SGCZ: variants seen among roughly 807,000 people sequenced by gnomAD.
The protein encoded by SGCZ is sarcoglycan zeta.
SGCZ carries 40 observed loss-of-function variants against 41.3 expected under a neutral mutation model. The observed-to-expected ratio is 0.97, with a 90% CI of 0.75 to 1.26. SGCZ has a LOEUF of 1.26. Among genes scored for constraint, SGCZ ranks in the 50% most tolerant of loss-of-function variants. SGCZ has a pLI of 0.00. For synonymous variants in SGCZ, 206 were observed against 137.5 expected (o/e 1.50, Z -3.49); for missense variants, 552 against 369.8 (o/e 1.49, Z -4.04).
chr8:14,244,806 C>G (rs764633181), intron 3 of SGCZ, among the ~76,000 whole-genome samples: 6 of 152,100 alleles, frequency 3.9e-5, no homozygotes, highest in Non-Finnish European at 5.9e-5. Context: ...AGAGGTCCTT[C>G]AAGTCCCATG....
chr8:14,470,564 A>T (rs375709087), intron 2 of SGCZ, among the ~76,000 whole-genome samples: 3 of 152,228 alleles, frequency 2.0e-5, no homozygotes, highest in East Asian at 3.9e-4. Context: ...TTCTTGGAGA[A>T]TTGCTTGAAA....
chr8:15,086,338 A>G (rs1472439678), intron 1 of SGCZ, among the ~76,000 whole-genome samples: 1 of 152,196 alleles, frequency 6.6e-6, no homozygotes, highest in Non-Finnish European at 1.5e-5. Flanking sequence ...GGTTTGGAAA[A>G]GACCATTCGC....
intron 4 of SGCZ, among the ~76,000 whole-genome samples, chr8:14,237,193 G>C (rs550608450): frequency 1.3e-5 from 2 of 152,044 alleles, no homozygotes; most frequent in Non-Finnish European, 2.9e-5. Context: ...TAATTCAAGA[G>C]TAATGACCAG....
chr8:14,848,865 T>C (rs1803224016), intron 1 of SGCZ, among the ~76,000 whole-genome samples: 1 of 152,120 alleles, frequency 6.6e-6, no homozygotes, highest in African/African-American at 2.4e-5. Context: ...ACTGAAAACT[T>C]TTGCTCTTTA....
Position 15,000,708 on chromosome 8 carries a change from A to G in SGCZ, c.39+236877T>C, listed in dbSNP as rs562666091. On this transcript the variant is annotated intron_variant, in intron 1 of 7. Transcript: ENST00000382080. Reference sequence around the variant, plus strand: ...AGTTGGGGCAACCAGCCTTCCCCACACTATGTAAACAATATACCCGATGGA... The same window carrying G: ...AGTTGGGGCAACCAGCCTTCCCCACGCTATGTAAACAATATACCCGATGGA... 7.9e-5 allele frequency among the ~76,000 whole-genome samples: 12 copies of G among 152,268 alleles called. No homozygotes were observed. In the Middle Eastern group the frequency reaches 0.01, roughly 129 times the overall value.
intron 1 of SGCZ, among the ~76,000 whole-genome samples, chr8:15,158,075 T>C (rs1028773703): frequency 4.6e-5 from 7 of 152,074 alleles, no homozygotes; most frequent in African/African-American, 1.4e-4. Context: ...ACAAATGGTA[T>C]CATCTCCAAT....
intron 4 of SGCZ, among the ~76,000 whole-genome samples, chr8:14,217,467 G>A (rs150369230): frequency 2.0e-5 from 3 of 152,040 alleles, no homozygotes; most frequent in Non-Finnish European, 2.9e-5. Flanking sequence ...AAGACGTGGG[G>A]TGAAAGGTGT....
chr8:14,848,891 A>G (rs1299115624), intron 1 of SGCZ, among the ~76,000 whole-genome samples: 1 of 152,184 alleles, frequency 6.6e-6, no homozygotes, highest in African/African-American at 2.4e-5. Flanking sequence ...CATGGTTAAG[A>G]AAATGCAAAG....
chr8:15,103,094 G>A (rs1314545603), intron 1 of SGCZ, among the ~76,000 whole-genome samples: 2 of 152,116 alleles, frequency 1.3e-5, no homozygotes, highest in Admixed American at 1.3e-4. Flanking sequence ...GAAGAGTCCA[G>A]AAATAATAGA....
chr8:15,107,391 T>C (rs1806871975), intron 1 of SGCZ, among the ~76,000 whole-genome samples: 1 of 152,182 alleles, frequency 6.6e-6, no homozygotes, highest in Admixed American at 6.5e-5. Context: ...AGATCCCTCA[T>C]GCATAGATTA....
intron 2 of SGCZ, among the ~76,000 whole-genome samples, chr8:14,506,507 A>AC (rs917557876): frequency 4.6e-5 from 7 of 151,956 alleles, no homozygotes; most frequent in African/African-American, 1.7e-4. Flanking sequence ...TCATTTAAAA[A>AC]AAAAAAGTCA....
intron 1 of SGCZ, among the ~76,000 whole-genome samples, chr8:14,736,649 C>G (rs12216774): frequency 0.38 from 57,733 of 151,636 alleles, 13,397 homozygotes; most frequent in African/African-American, 0.65. Flanking sequence ...CGCTCAAGTC[C>G]CCAGAGTCCA....
At chr8:14,559,515 C>G (rs1347080240) in intron 1 of SGCZ, among the ~76,000 whole-genome samples, 3 of 152,098 alleles carry the variant, frequency 2.0e-5, no homozygotes, top group Admixed American at 2.0e-4. Context: ...ATCCCATGCT[C>G]ATGGATGGGT....
At chr8:14,174,071 G>A (rs149918719) in intron 4 of SGCZ, among the ~76,000 whole-genome samples, 3 of 152,004 alleles carry the variant, frequency 2.0e-5, no homozygotes, top group African/African-American at 7.2e-5. Flanking sequence ...AACATGAAAA[G>A]TAAAACAAAA....
At chr8:15,121,785 A>AGCAT (rs934236265) in intron 1 of SGCZ, among the ~76,000 whole-genome samples, 1 of 152,050 alleles carries the variant, frequency 6.6e-6, no homozygotes, top group Non-Finnish European at 1.5e-5. Flanking sequence ...AAGTTCAAAA[A>AGCAT]GCATGGTTTT....
intron 3 of SGCZ, among the ~76,000 whole-genome samples, chr8:14,306,233 A>G (rs902454160): frequency 2.0e-5 from 3 of 152,214 alleles, no homozygotes; most frequent in Admixed American, 2.0e-4. Context: ...CACCATGATT[A>G]AAGCAAAATA....
chr8:14,917,699 G>T (rs1243102953), intron 1 of SGCZ, among the ~76,000 whole-genome samples: 1 of 151,782 alleles, frequency 6.6e-6, no homozygotes, highest in South Asian at 2.1e-4. Flanking sequence ...ACTCATAATG[G>T]GGCAAGGAAA....
At chr8:14,410,743 T>A (rs1315879649) in intron 2 of SGCZ, among the ~76,000 whole-genome samples, 1 of 152,032 alleles carries the variant, frequency 6.6e-6, no homozygotes, top group Non-Finnish European at 1.5e-5. Context: ...AACCTGCACG[T>A]TTTGCACATG....
intron 1 of SGCZ, among the ~76,000 whole-genome samples, chr8:14,977,916 T>A (rs1005799926): frequency 1.3e-5 from 2 of 150,376 alleles, no homozygotes; most frequent in South Asian, 4.2e-4. Flanking sequence ...CACACATATA[T>A]ACACACACAT....
Sources: allele counts gnomAD v4.1 joint callset (sites outside exome capture counted in the v4.1 genomes callset), GRCh38; gene constraint gnomAD v4.1.1; transcripts MANE v1.5; gene names NCBI Gene and HGNC (gene_info 2026-07-23, HGNC 2026-07-21).